The following TNFAIP8 variants were observed in gnomAD, a reference collection of about 807,000 sequenced individuals.
TNFAIP8 encodes TNF alpha induced protein 8, also known as tumor necrosis factor alpha-induced protein 8.
A neutral mutation model predicts 13.3 loss-of-function variants in TNFAIP8; 7 were observed. The observed-to-expected ratio is 0.52, with a 90% CI of 0.30 to 0.99. TNFAIP8 has a LOEUF of 0.99. TNFAIP8 is among the 50% of genes least tolerant of loss of function. TNFAIP8 has a pLI of 0.07. For missense variants in TNFAIP8, 258 were observed against 236.9 expected, an observed-to-expected ratio of 1.09 and a Z score of -0.58; for synonymous variants, 94 against 87.6, an observed-to-expected ratio of 1.07 and a Z score of -0.41.
At chr5:119,315,749 G>A (rs1749874350) in intron 1 of TNFAIP8, among the ~76,000 whole-genome samples, 1 of 152,158 alleles carries the variant, frequency 6.6e-6, no homozygotes, top group Non-Finnish European at 1.5e-5. Flanking sequence ...GTCAGCTCCT[G>A]ACAGGTTCCT....
intron 1 of TNFAIP8, among the ~76,000 whole-genome samples, chr5:119,305,037 G>A (rs950479118): frequency 6.6e-6 from 1 of 152,140 alleles, no homozygotes; most frequent in Admixed American, 6.5e-5. Flanking sequence ...GGAGGTGAAC[G>A]TCAATCTGTA....
intron 1 of TNFAIP8, among the ~76,000 whole-genome samples, chr5:119,269,178 A>C (rs1748193109): frequency 6.6e-6 from 1 of 152,194 alleles, no homozygotes; most frequent in South Asian, 2.1e-4. Context: ...ACCCTTACCT[A>C]TTCAGGGCGA....
intron 1 of TNFAIP8, among the ~76,000 whole-genome samples, chr5:119,327,694 G>A (rs1476339870): frequency 6.6e-6 from 1 of 152,078 alleles, no homozygotes; most frequent in Non-Finnish European, 1.5e-5. Flanking sequence ...CCTGACCTCA[G>A]GTGATCCGCC....
rs775590126 is a variant in TNFAIP8, at chr5:119,392,993, A to G, written c.209A>G (p.Lys70Arg). The stretch of plus-strand genomic sequence containing the variant: ...ACCCAAAACAAGAAGGAGGCAGAGA[A>G]GATCATCAAGAACCTCATCAAGACA... ...EYTQNKKEAE[K>R]IIKNLIKTVI... Residue 70 changes from lysine to arginine, a missense_variant, in exon 2 of 2, where the codon AAG becomes AGG. Transcript: ENST00000504771. 1.2e-6 allele frequency: 2 copies of G among 1,612,952 alleles called. No homozygotes were observed. Among genetic ancestry groups the G allele is most frequent in the African/African-American group, 2.7e-5 (2 of 74,928 alleles).
intron 1 of TNFAIP8, among the ~76,000 whole-genome samples, chr5:119,362,332 T>G (rs2112790723): frequency 6.6e-6 from 1 of 152,226 alleles, no homozygotes; most frequent in East Asian, 1.9e-4. Flanking sequence ...GATGTTGTAG[T>G]GGTACATGGG....
intron 1 of TNFAIP8, among the ~76,000 whole-genome samples, chr5:119,388,387 A>G (rs7726779): frequency 2.0e-5 from 3 of 152,230 alleles, no homozygotes; most frequent in Non-Finnish European, 4.4e-5. Context: ...ACAGGCCAAC[A>G]TGTTTTCATA....
intron 1 of TNFAIP8, among the ~76,000 whole-genome samples, chr5:119,295,885 T>G (rs1323389984): frequency 4.0e-5 from 6 of 151,216 alleles, no homozygotes; most frequent in South Asian, 2.1e-4. Context: ...TTATTCTCTT[T>G]GAAGCAATTG....
chr5:119,391,591 C>G (rs1580453995), intron 1 of TNFAIP8: 1 of 525,204 alleles, frequency 1.9e-6, no homozygotes, highest in Admixed American at 2.8e-5. Flanking sequence ...GAAACCCCGT[C>G]TCTACTGAAA....
At chr5:119,363,707 G>A (rs780861436) in intron 1 of TNFAIP8, among the ~76,000 whole-genome samples, 32 of 152,278 alleles carry the variant, frequency 2.1e-4, no homozygotes, top group Non-Finnish European at 3.1e-4. Flanking sequence ...AAATTTCAGC[G>A]GACGTTGACT....
chr5:119,336,408 G>A (rs1269126022), intron 1 of TNFAIP8, among the ~76,000 whole-genome samples: 1 of 152,194 alleles, frequency 6.6e-6, no homozygotes, highest in African/African-American at 2.4e-5. Flanking sequence ...AGGAAGAAAA[G>A]TGCTGTGGGC....
At chr5:119,390,476 CAG>C (rs1752849395) in intron 1 of TNFAIP8, among the ~76,000 whole-genome samples, 1 of 152,154 alleles carries the variant, frequency 6.6e-6, no homozygotes, top group Non-Finnish European at 1.5e-5. Flanking sequence ...GGAATAGAAA[CAG>C]ATTTCTGCTT....
chr5:119,395,521 C>T lies in TNFAIP8; in HGVS notation c.*2140C>T, dbSNP rs1261416811. ...GACACACTGGATCATAGGGTTGTGCCAGCAGGCTAGCAATCAAATGTGCAT... is the reference window on the plus strand; with the variant it reads ...GACACACTGGATCATAGGGTTGTGCTAGCAGGCTAGCAATCAAATGTGCAT... On this transcript the variant is annotated 3_prime_UTR_variant, in exon 2 of 2. Coordinates refer to ENST00000504771, the MANE Select transcript of TNFAIP8 (RefSeq NM_014350.4). 6.6e-6 allele frequency: 1 copy of T among 152,256 alleles called. No individual in the cohort carries two copies. Among genetic ancestry groups the T allele is most frequent in the African/African-American group, 2.4e-5 (1 of 41,448 alleles). The allele number at this position is 152,256 out of a possible 1,614,324, so 9.4% of individuals were successfully genotyped here. A position where few individuals can be genotyped will look rare whatever the true frequency, so the allele number is the denominator to read the frequency against.
chr5:119,336,233 T>C (rs558334682), intron 1 of TNFAIP8, among the ~76,000 whole-genome samples: 3 of 152,248 alleles, frequency 2.0e-5, no homozygotes, highest in Admixed American at 2.0e-4. Context: ...AAATGCAACG[T>C]AGGCCAAAGA....
intron 1 of TNFAIP8, among the ~76,000 whole-genome samples, chr5:119,295,912 C>A (rs1193452799): frequency 6.6e-6 from 1 of 151,478 alleles, no homozygotes; most frequent in Non-Finnish European, 1.5e-5. Flanking sequence ...GGAGTTCACT[C>A]ATGATTTGGC....
chr5:119,361,155 G>A (rs1216453159), intron 1 of TNFAIP8, among the ~76,000 whole-genome samples: 1 of 152,220 alleles, frequency 6.6e-6, no homozygotes, highest in Non-Finnish European at 1.5e-5. Flanking sequence ...TTTCTCTGGA[G>A]CACATTGCAG....
chr5:119,389,063 A>C (rs1344864212), intron 1 of TNFAIP8, among the ~76,000 whole-genome samples: 1 of 152,160 alleles, frequency 6.6e-6, no homozygotes. Flanking sequence ...AGAGAAATGC[A>C]GGAGGAAGGT....
chr5:119,350,298 C>T (rs1235514838), intron 1 of TNFAIP8, among the ~76,000 whole-genome samples: 1 of 152,138 alleles, frequency 6.6e-6, no homozygotes, highest in African/African-American at 2.4e-5. Flanking sequence ...TGCTATGTAG[C>T]CATTGTATTA....
chr5:119,383,062 G>A (rs1043885014), intron 1 of TNFAIP8, among the ~76,000 whole-genome samples: 8 of 152,174 alleles, frequency 5.3e-5, no homozygotes, highest in African/African-American at 1.7e-4. Flanking sequence ...GGGGACCTTT[G>A]TGTACACTGT....
At position 119,394,260 on chromosome 5, in the gene TNFAIP8, C is replaced by G. The variant is rs1456933451; in HGVS notation, c.*879C>G. ...ACAATCTTCATTCTACAGATGAACTCATTGAAACAATTTAGGGGAATGAGG... is the reference window on the plus strand; with the variant it reads ...ACAATCTTCATTCTACAGATGAACTGATTGAAACAATTTAGGGGAATGAGG... On this transcript the variant is annotated 3_prime_UTR_variant, in exon 2 of 2. Transcript: ENST00000504771. 4 of 152,106 alleles carry G rather than the reference C, an allele frequency of 2.6e-5. No individual in the cohort carries two copies. In the South Asian group the frequency reaches 6.2e-4, roughly 24 times the overall value. The allele number at this position is 152,106 out of a possible 1,614,324, so 9.4% of individuals were successfully genotyped here.
Sources: gnomAD v4.1 joint callset for allele counts (sites outside exome capture counted in the v4.1 genomes callset) on GRCh38, gnomAD v4.1.1 for gene constraint, MANE v1.5 for transcripts, NCBI Gene and HGNC (gene_info 2026-07-23, HGNC 2026-07-21) for gene names.